The following MAST2 variants were observed in gnomAD, a reference collection of about 807,000 sequenced individuals.
The protein encoded by MAST2 is microtubule-associated serine/threonine-protein kinase 2.
In MAST2, 70 loss-of-function variants were observed where a neutral mutation model predicts 147.4. The observed-to-expected ratio is 0.47, with a 90% confidence interval of 0.39 to 0.58. MAST2 has a LOEUF of 0.58. Ranked by LOEUF, MAST2 falls within the 20% of genes least tolerant of loss-of-function variation. The pLI is 0.00. For synonymous variants in MAST2, 869 were observed against 896.8 expected (o/e 0.97, Z 0.55); for missense variants, 2,080 against 2,302.3 (o/e 0.90, Z 1.98).
At chr1:45,994,724 C>T (rs1354781927) in intron 5 of MAST2, among the ~76,000 whole-genome samples, 1 of 152,170 alleles carries the variant, frequency 6.6e-6, no homozygotes, top group Non-Finnish European at 1.5e-5. Context: ...TGGGAAATTC[C>T]AAGGATTTAC....
intron 3 of MAST2, chr1:45,847,481 T>C (rs2147958817): frequency 1.4e-6 from 1 of 704,884 alleles, no homozygotes; most frequent in East Asian, 3.9e-5. Flanking sequence ...ACAAGGCCTT[T>C]TCATTCTTCA....
At chr1:45,972,526 G>A (rs149164186) in intron 5 of MAST2, among the ~76,000 whole-genome samples, 76 of 152,314 alleles carry the variant, frequency 5.0e-4, no homozygotes, top group African/African-American at 1.3e-3. Flanking sequence ...GTCATGTGAC[G>A]GCTACATCCC....
chr1:45,811,191 A>T (rs1432659275), intron 1 of MAST2, among the ~76,000 whole-genome samples: 2 of 140,406 alleles, frequency 1.4e-5, no homozygotes, highest in Non-Finnish European at 3.1e-5. Flanking sequence ...TTTGAGACGA[A>T]GTCTCGCTCT....
chr1:45,936,109 C>T (rs1026228758), intron 4 of MAST2, among the ~76,000 whole-genome samples: 4 of 152,268 alleles, frequency 2.6e-5, no homozygotes, highest in Middle Eastern at 3.4e-3. Flanking sequence ...AGATCTTTCA[C>T]CTCCCTCTTT....
chr1:45,889,619 T>A (rs1204102118), intron 4 of MAST2, among the ~76,000 whole-genome samples: 2 of 152,142 alleles, frequency 1.3e-5, no homozygotes, highest in African/African-American at 4.8e-5. Flanking sequence ...TTTGTTTTGT[T>A]TTTTTGAGGC....
intron 1 of MAST2, among the ~76,000 whole-genome samples, chr1:45,814,452 A>G (rs1644393320): frequency 6.6e-6 from 1 of 152,198 alleles, no homozygotes; most frequent in Admixed American, 6.6e-5. Context: ...TTCTAACAAA[A>G]CAGTTTAAAA....
At chr1:45,836,990 C>T (rs1246865578) in intron 3 of MAST2, among the ~76,000 whole-genome samples, 2 of 152,142 alleles carry the variant, frequency 1.3e-5, no homozygotes, top group Admixed American at 6.6e-5. Context: ...AACCTAGATC[C>T]CTCGTATGCG....
Position 46,010,919 on chromosome 1 carries a change from T to C in MAST2, c.1168T>C (p.Leu390=). The C allele has an allele frequency of 1.2e-6, 2 of 1,614,124 alleles. No individual in the cohort carries two copies. Among genetic ancestry groups the C allele is most frequent in the Non-Finnish European group, 1.7e-6 (2 of 1,179,968 alleles). The part of the protein sequence containing the change: ...SQYFYELQDN[L]EKLLQDAHER... ...ATACTTCTACGAACTTCAAGATAAT[T>C]TGGAGAAACTTTTACAAGATGTGAG... Residue 390 remains leucine (L), a synonymous_variant, in exon 10 of 29, where the codon TTG becomes CTG. Coordinates refer to ENST00000361297, the MANE Select transcript of MAST2 (RefSeq NM_015112.3).
intron 11 of MAST2, among the ~76,000 whole-genome samples, 173 bp downstream of exon 11, chr1:46,019,870 T>C (rs1324509879): frequency 1.3e-5 from 2 of 152,222 alleles, no homozygotes; most frequent in African/African-American, 2.4e-5. Flanking sequence ...TGAGGACAAA[T>C]GTATGGTCCT....
At chr1:45,875,657 T>C (rs953573278) in intron 3 of MAST2, among the ~76,000 whole-genome samples, 4 of 152,002 alleles carry the variant, frequency 2.6e-5, no homozygotes, top group Admixed American at 1.3e-4. Context: ...AGATTAAAGA[T>C]AGATATTTTG....
chr1:46,016,984 T>A (rs1280589233), intron 10 of MAST2, among the ~76,000 whole-genome samples: 2 of 151,470 alleles, frequency 1.3e-5, no homozygotes, highest in Admixed American at 6.6e-5. Context: ...GAGATATAGA[T>A]CAATGGAACA....
chr1:45,947,879 G>T (rs1658315046), intron 4 of MAST2, among the ~76,000 whole-genome samples: 1 of 152,104 alleles, frequency 6.6e-6, no homozygotes, highest in South Asian at 2.1e-4. Context: ...ACCACACCCG[G>T]CTAATTTTTT....
At chr1:45,902,358 C>G (rs1446551921) in intron 4 of MAST2, among the ~76,000 whole-genome samples, 1 of 152,106 alleles carries the variant, frequency 6.6e-6, no homozygotes, top group African/African-American at 2.4e-5. Context: ...CAGTTATCAT[C>G]TTGATGTGCT....
chr1:45,980,216 T>C (rs900958482), intron 5 of MAST2, among the ~76,000 whole-genome samples: 2 of 129,042 alleles, frequency 1.5e-5, no homozygotes, highest in Non-Finnish European at 3.1e-5. Context: ...ACCCAGGAGA[T>C]GGAGGTTGAA....
At chr1:45,820,395 A>T (rs1421330225) in intron 1 of MAST2, among the ~76,000 whole-genome samples, 2 of 151,410 alleles carry the variant, frequency 1.3e-5, no homozygotes, top group African/African-American at 4.9e-5. Context: ...GTTTTTTAGA[A>T]TTTTTTTTTG....
At chr1:45,997,494 A>G (rs1461887246) in intron 5 of MAST2, among the ~76,000 whole-genome samples, 1 of 152,158 alleles carries the variant, frequency 6.6e-6, no homozygotes, top group Non-Finnish European at 1.5e-5. Flanking sequence ...TTGCTGCTAG[A>G]TCTAGAATGG....
At chr1:45,892,779 C>T (rs1224290729) in intron 4 of MAST2, among the ~76,000 whole-genome samples, 3 of 152,136 alleles carry the variant, frequency 2.0e-5, no homozygotes, top group African/African-American at 7.2e-5. Flanking sequence ...AGTCTCATAT[C>T]ATAAGAATAA....
At chr1:45,979,242 C>A (rs1041333138) in intron 5 of MAST2, among the ~76,000 whole-genome samples, 1 of 152,136 alleles carries the variant, frequency 6.6e-6, no homozygotes, top group African/African-American at 2.4e-5. Context: ...TCCTTTATAA[C>A]TAGTTAAACT....
At chr1:45,976,986 A>G (rs1037923694) in intron 5 of MAST2, among the ~76,000 whole-genome samples, 1 of 152,228 alleles carries the variant, frequency 6.6e-6, no homozygotes, top group African/African-American at 2.4e-5. Flanking sequence ...GCTGTAGGCA[A>G]AATCCATTGG....
Sources: allele counts gnomAD v4.1 joint callset (sites outside exome capture counted in the v4.1 genomes callset), GRCh38; gene constraint gnomAD v4.1.1; transcripts MANE v1.5; gene names NCBI Gene and HGNC (gene_info 2026-07-23, HGNC 2026-07-21).